The following SETDB2 variants were observed in gnomAD, a reference collection of about 807,000 sequenced individuals.
SETDB2 encodes histone-lysine N-methyltransferase SETDB2.
SETDB2 carries 56 observed loss-of-function variants against 82.5 expected under a neutral mutation model. The ratio of observed to expected loss-of-function variants is 0.68; its 90% CI spans 0.55 to 0.85. SETDB2 has a LOEUF of 0.85. SETDB2 is among the 40% of genes least tolerant of loss of function. The pLI is 0.00. For synonymous variants in SETDB2, 272 were observed against 284.9 expected (o/e 0.95, Z 0.46); for missense variants, 677 against 816.4 (o/e 0.83, Z 2.08).
chr13:49,477,123 C>T (rs1301113798), intron 6 of SETDB2, 84 bp downstream of exon 6: 1 of 1,259,790 alleles, frequency 7.9e-7, no homozygotes. Flanking sequence ...ATTAATTTGT[C>T]TATCTAAAAC....
At chr13:49,459,872 T>A in intron 2 of SETDB2, 1 of 349,988 alleles carries the variant, frequency 2.9e-6, no homozygotes, top group Non-Finnish European at 5.1e-6. Flanking sequence ...AAAGTGTCAC[T>A]AAAATTTTCA....
intron 8 of SETDB2, chr13:49,482,477 C>A: frequency 3.1e-6 from 1 of 319,632 alleles, no homozygotes; most frequent in Non-Finnish European, 4.5e-6. Flanking sequence ...TTGTATCATT[C>A]TAGCTAAATC....
chr13:49,471,032 T>C (rs1413308083), intron 5 of SETDB2, among the ~76,000 whole-genome samples: 1 of 141,670 alleles, frequency 7.1e-6, no homozygotes, highest in African/African-American at 2.6e-5. Context: ...CAGTGGCACA[T>C]AGCCACAGCT....
intron 2 of SETDB2, among the ~76,000 whole-genome samples, chr13:49,454,498 T>C (rs1457101584): frequency 6.6e-6 from 1 of 152,192 alleles, no homozygotes; most frequent in African/African-American, 2.4e-5. Flanking sequence ...AGTAAGTATA[T>C]GCAGTTACTT....
rs548419191 is a variant in SETDB2, at chr13:49,486,109, CTA to C, written c.1576+388_1576+389del. ...GCCAAGGCAGGAGGGCTGCTTGAGG[CTA>C]TGAGTCTGGGCAATGTAGCAAGATC... On this transcript the variant is annotated intron_variant, in intron 11 of 13. Coordinates refer to ENST00000611815, the MANE Select transcript of SETDB2 (RefSeq NM_001160308.3). Among the ~76,000 whole-genome samples, 118 of 152,202 alleles carry C rather than the reference CTA, an allele frequency of 7.8e-4. 1 individual carries two copies. The East Asian group carries it at 0.02, about 26-fold the overall frequency.
At chr13:49,465,337 T>C (rs1331187412) in intron 4 of SETDB2, among the ~76,000 whole-genome samples, 1 of 152,246 alleles carries the variant, frequency 6.6e-6, no homozygotes, top group Non-Finnish European at 1.5e-5. Flanking sequence ...TGACTAATGT[T>C]AAATCCTCAT....
At chr13:49,448,123 T>A (rs751879331) in intron 1 of SETDB2, among the ~76,000 whole-genome samples, 1 of 152,182 alleles carries the variant, frequency 6.6e-6, no homozygotes, top group Non-Finnish European at 1.5e-5. Flanking sequence ...AATTCATCTG[T>A]AAAACTTAAT....
rs140212189 is a variant in SETDB2 at position 49,461,045 on chromosome 13, G to A, written c.143-52G>A. The A allele has an allele frequency of 2.2e-4, 298 of 1,365,558 alleles. No homozygotes were observed. In the African/African-American group the frequency reaches 3.7e-3, roughly 17 times the overall value. 84.6% of individuals were successfully genotyped at this position (1,365,558 alleles called of 1,614,324 possible). A position where few individuals can be genotyped will look rare whatever the true frequency, so the allele number is the denominator to read the frequency against. On this transcript the variant is annotated intron_variant, in intron 3 of 13. Transcript: ENST00000611815. The stretch of plus-strand genomic sequence containing the variant: ...AATATGTAAATTGTTTAGCACAGTA[G>A]CTGGCACCATAAATAAAGGTAATGG...
chr13:49,487,541 C>CT (rs1958621692), intron 11 of SETDB2, among the ~76,000 whole-genome samples: 1 of 152,150 alleles, frequency 6.6e-6, no homozygotes, highest in Admixed American at 6.5e-5. Context: ...TGGGGTCTCA[C>CT]TTTGTTGCCC....
At chr13:49,486,061 C>T (rs1295714880) in intron 11 of SETDB2, among the ~76,000 whole-genome samples, 1 of 152,068 alleles carries the variant, frequency 6.6e-6, no homozygotes, top group Non-Finnish European at 1.5e-5. Flanking sequence ...TAGCTCACGC[C>T]CGTAATCTTA....
intron 3 of SETDB2, 72 bp from the exon 4 acceptor site, chr13:49,461,025 G>T: frequency 2.6e-6 from 3 of 1,154,186 alleles, no homozygotes; most frequent in Non-Finnish European, 3.8e-6. Context: ...GATAAAATAT[G>T]TAAATTGTTT....
At chr13:49,468,174 T>A (rs1958154536) in intron 5 of SETDB2, among the ~76,000 whole-genome samples, 1 of 152,208 alleles carries the variant, frequency 6.6e-6, no homozygotes, top group African/African-American at 2.4e-5. Context: ...TTTTATAAAG[T>A]TTAGCTTAAG....
At chr13:49,447,962 C>T (rs1005152374) in intron 1 of SETDB2, among the ~76,000 whole-genome samples, 5 of 150,982 alleles carry the variant, frequency 3.3e-5, no homozygotes, top group Non-Finnish European at 5.9e-5. Flanking sequence ...AGTTTATGGA[C>T]CTAGTGTACT....
At chr13:49,448,748 A>G (rs539445076) in intron 1 of SETDB2, among the ~76,000 whole-genome samples, 5 of 152,232 alleles carry the variant, frequency 3.3e-5, no homozygotes, top group East Asian at 3.9e-4. Context: ...AGGGTTCTAT[A>G]TATTTTTTGG....
intron 4 of SETDB2, among the ~76,000 whole-genome samples, chr13:49,461,477 C>G (rs1957991163): frequency 6.6e-6 from 1 of 152,182 alleles, no homozygotes; most frequent in Admixed American, 6.5e-5. Flanking sequence ...TATCCGCTTT[C>G]TGTGAAGAAC....
chr13:49,462,730 G>T (rs749793513), intron 4 of SETDB2, among the ~76,000 whole-genome samples: 1 of 152,148 alleles, frequency 6.6e-6, no homozygotes, highest in Non-Finnish European at 1.5e-5. Flanking sequence ...ATAATTTGGA[G>T]CCTTAAGGCT....
intron 5 of SETDB2, among the ~76,000 whole-genome samples, chr13:49,471,057 C>T (rs527602963): frequency 7.6e-5 from 11 of 144,352 alleles, no homozygotes; most frequent in South Asian, 2.2e-4. Flanking sequence ...GTAGGCTTGA[C>T]GCCCTAAGCT....
At chr13:49,473,769 G>A (rs1037177224) in intron 5 of SETDB2, among the ~76,000 whole-genome samples, 3 of 151,980 alleles carry the variant, frequency 2.0e-5, no homozygotes, top group Non-Finnish European at 4.4e-5. Flanking sequence ...AGAACCTAAG[G>A]AATGTATTAC....
In SETDB2 at chr13:49,488,628, A is replaced by G; in HGVS notation, c.1915A>G (p.Asn639Asp). 1 of 1,585,500 alleles carries G rather than the reference A, an allele frequency of 6.3e-7. No homozygotes were observed. Among genetic ancestry groups the G allele is most frequent in the Non-Finnish European group, 8.6e-7 (1 of 1,167,508 alleles). Residue 639 changes from asparagine (N) to aspartate (D), a missense_variant and splice_region_variant, in exon 12 of 14, where the codon AAT (asparagine) becomes GAT (aspartate). Coordinates refer to ENST00000611815, the MANE Select transcript of SETDB2 (RefSeq NM_001160308.3). ...AGAAGGAAATGTCGGCCGCTTCCTT[A>G]ATGTGAGTATAAGGGCTGAGATTCC... ...TKEGNVGRFL[N>D]HSCCPNLLVQ...
Sources: allele counts gnomAD v4.1 joint callset (sites outside exome capture counted in the v4.1 genomes callset), GRCh38; gene constraint gnomAD v4.1.1; transcripts MANE v1.5; gene names NCBI Gene and HGNC (gene_info 2026-07-23, HGNC 2026-07-21).